WASF1: variants seen among roughly 807,000 people sequenced by gnomAD.
WASF1 encodes WASP family member 1, also known as actin-binding protein WASF1.
A neutral mutation model predicts 50.5 loss-of-function variants in WASF1; 7 were observed. The ratio of observed to expected loss-of-function variants is 0.14; its 90% CI spans 0.08 to 0.26. The LOEUF is 0.26. WASF1 is among the 10% of genes least tolerant of loss of function. WASF1 has a pLI of 1.00. For synonymous variants in WASF1, 205 were observed against 244.0 expected, an observed-to-expected ratio of 0.84 and a Z score of 1.49; for missense variants, 470 against 694.7, an observed-to-expected ratio of 0.68 and a Z score of 3.64.
intron 4 of WASF1, among the ~76,000 whole-genome samples, chr6:110,126,872 A>G (rs1774440374): frequency 6.6e-6 from 1 of 152,070 alleles, no homozygotes; most frequent in African/African-American, 2.4e-5. Context: ...ACTGGCCTTT[A>G]TTCTCTGGCC....
At chr6:110,107,277 C>A (rs559979741) in intron 6 of WASF1, 83 bp from the exon 7 acceptor site, 1 of 875,026 alleles carries the variant, frequency 1.1e-6, no homozygotes, top group East Asian at 2.7e-5. Flanking sequence ...AAATGTTTAT[C>A]CTCTTACATT....
Position 110,160,451 on chromosome 6 carries a change from A to C in WASF1, c.-29+184T>G, listed in dbSNP as rs143807856. ...GAAATGAGAAGCTGGTTCCAAATCTATTGTAAAACCACCAACGTTTTCTAA... is the reference window on the plus strand; with the variant it reads ...GAAATGAGAAGCTGGTTCCAAATCTCTTGTAAAACCACCAACGTTTTCTAA... On this transcript the variant is annotated intron_variant, in intron 3 of 10. Coordinates refer to ENST00000392589, the MANE Select transcript of WASF1 (RefSeq NM_003931.3). Among the ~76,000 whole-genome samples the C allele has an allele frequency of 1.1e-4, 17 of 151,840 alleles. No homozygotes were observed. In the East Asian group the frequency reaches 2.7e-3, roughly 24 times the overall value.
intron 3 of WASF1, among the ~76,000 whole-genome samples, chr6:110,143,900 G>A (rs1049711724): frequency 6.6e-6 from 1 of 152,128 alleles, no homozygotes; most frequent in Admixed American, 6.6e-5. Context: ...CTTTGCTATT[G>A]TGAATAGTGC....
At chr6:110,136,070 G>C (rs1774952941) in intron 3 of WASF1, among the ~76,000 whole-genome samples, 1 of 151,532 alleles carries the variant, frequency 6.6e-6, no homozygotes, top group Non-Finnish European at 1.5e-5. Context: ...ATTTTTAGTA[G>C]AGACGGGGCT....
chr6:110,163,958 G>T (rs767367307), intron 2 of WASF1, among the ~76,000 whole-genome samples: 3 of 151,608 alleles, frequency 2.0e-5, no homozygotes, highest in Non-Finnish European at 3.0e-5. Flanking sequence ...ATACAAATGA[G>T]AAAAGATAGT....
In WASF1 at chr6:110,103,337, T is replaced by A. The variant is rs1167167173; in HGVS notation, c.893+41A>T. On this transcript the variant is annotated intron_variant, in intron 9 of 10. Coordinates refer to ENST00000392589, the MANE Select transcript of WASF1 (RefSeq NM_003931.3). Reference sequence around the variant, plus strand: ...ATCGTCCTTGAAAGAAAAAGCTTACTGACTCCTAAGATAAAACATCATATG... The same window carrying A: ...ATCGTCCTTGAAAGAAAAAGCTTACAGACTCCTAAGATAAAACATCATATG... The A allele has an allele frequency of 2.5e-6, 4 of 1,576,580 alleles. No homozygotes were observed. In the South Asian group the frequency reaches 4.7e-5, roughly 18 times the overall value.
chr6:110,119,930 T>C (rs1388003205), intron 4 of WASF1, among the ~76,000 whole-genome samples: 2 of 152,016 alleles, frequency 1.3e-5, no homozygotes, highest in Non-Finnish European at 2.9e-5. Flanking sequence ...ACAGAACAAA[T>C]GACAAAAACC....
chr6:110,177,360 T>C (rs996794991), intron 2 of WASF1, among the ~76,000 whole-genome samples: 2 of 152,106 alleles, frequency 1.3e-5, no homozygotes, highest in Non-Finnish European at 2.9e-5. Context: ...TGTCTGCAAT[T>C]ATTTAAAACC....
chr6:110,133,519 GCTC>G (rs1048147558), intron 3 of WASF1, among the ~76,000 whole-genome samples: 3 of 152,098 alleles, frequency 2.0e-5, no homozygotes, highest in Non-Finnish European at 4.4e-5. Context: ...GTGTGAAAGT[GCTC>G]CTTTTTCAAC....
At chr6:110,119,350 A>C (rs1190487950) in intron 4 of WASF1, among the ~76,000 whole-genome samples, 2 of 152,220 alleles carry the variant, frequency 1.3e-5, no homozygotes, top group Non-Finnish European at 2.9e-5. Context: ...AAAAATGATA[A>C]AGGGGATATC....
chr6:110,128,032 A>G (rs1774492761), intron 3 of WASF1, among the ~76,000 whole-genome samples: 1 of 152,218 alleles, frequency 6.6e-6, no homozygotes, highest in Non-Finnish European at 1.5e-5. Flanking sequence ...ACAGTAGTCT[A>G]TAAGTAGTTA....
intron 4 of WASF1, 109 bp downstream of exon 4, chr6:110,127,360 A>T: frequency 1.1e-6 from 1 of 931,626 alleles, no homozygotes; most frequent in South Asian, 3.5e-5. Context: ...ATAATTTTGT[A>T]CTCTTCTCAC....
chr6:110,108,710 T>C, intron 5 of WASF1, 29 bp from the exon 6 acceptor site: 2 of 1,591,512 alleles, frequency 1.3e-6, no homozygotes, highest in East Asian at 2.3e-5. Flanking sequence ...ATTCATTTTA[T>C]TTTATTTTAC....
chr6:110,119,313 A>G (rs1248020180), intron 4 of WASF1, among the ~76,000 whole-genome samples: 1 of 152,202 alleles, frequency 6.6e-6, no homozygotes, highest in Non-Finnish European at 1.5e-5. Context: ...AAACAAGAAA[A>G]GAGAGAAGAA....
chr6:110,128,820 TC>T (rs1774529287), intron 3 of WASF1, among the ~76,000 whole-genome samples: 3 of 152,162 alleles, frequency 2.0e-5, no homozygotes, highest in Non-Finnish European at 4.4e-5. Flanking sequence ...CTGCCTGAGT[TC>T]CACCACCTGT....
intron 3 of WASF1, among the ~76,000 whole-genome samples, chr6:110,144,552 G>C (rs1775442081): frequency 6.6e-6 from 1 of 152,174 alleles, no homozygotes; most frequent in African/African-American, 2.4e-5. Flanking sequence ...CCTATGTCCT[G>C]AATGGATATG....
rs1367926644 is a variant in WASF1 at position 110,124,216 on chromosome 6, T to TCTCTCCTCCCTCTCTC, written c.133+3252_133+3253insGAGAGAGGGAGGAGAG. On this transcript the variant is annotated intron_variant, in intron 4 of 10. Coordinates refer to ENST00000392589, the MANE Select transcript of WASF1 (RefSeq NM_003931.3). ...GTCTCTCTCTCTCTCTCTCTCTCTC[T>TCTCTCCTCCCTCTCTC]CCTCTCTCTCCTCTCTCTCCTCTCT... 1.6e-4 allele frequency among the ~76,000 whole-genome samples: 10 copies of TCTCTCCTCCCTCTCTC among 63,516 alleles called. 1 individual carries two copies. The highest frequency in any genetic ancestry group is 8.6e-4 in the African/African-American group (10 of 11,678). The allele number at this position is 63,516 out of a possible 152,430, so 41.7% of individuals were successfully genotyped here. A position where few individuals can be genotyped will look rare whatever the true frequency, so the allele number is the denominator to read the frequency against.
chr6:110,118,817 A>C (rs1773940770), intron 4 of WASF1, among the ~76,000 whole-genome samples: 2 of 152,210 alleles, frequency 1.3e-5, no homozygotes, highest in Admixed American at 1.3e-4. Context: ...AGCAAATGTA[A>C]AAGAACAGAA....
At chr6:110,116,698 C>T (rs1773827281) in intron 4 of WASF1, among the ~76,000 whole-genome samples, 1 of 152,204 alleles carries the variant, frequency 6.6e-6, no homozygotes, top group Non-Finnish European at 1.5e-5. Context: ...CGTCTGAACT[C>T]CGAGAACGGA....
Sources: allele counts gnomAD v4.1 joint callset (sites outside exome capture counted in the v4.1 genomes callset), GRCh38; gene constraint gnomAD v4.1.1; transcripts MANE v1.5; gene names NCBI Gene and HGNC (gene_info 2026-07-23, HGNC 2026-07-21).